The following PRKN variants were observed in gnomAD, a reference collection of about 807,000 sequenced individuals.
PRKN encodes E3 ubiquitin-protein ligase parkin.
PRKN carries 56 observed loss-of-function variants against 59.5 expected under a neutral mutation model. That is an observed-to-expected ratio of 0.94 (90% CI 0.76 to 1.18). The LOEUF (loss-of-function observed/expected upper bound fraction) is 1.18. Ranked by LOEUF, PRKN falls within the 50% of genes most tolerant of loss-of-function variation. The pLI, the probability that PRKN is intolerant of heterozygous loss-of-function variation, is 0.00. For missense variants in PRKN, 657 were observed against 596.4 expected (o/e 1.10, Z -1.06); for synonymous variants, 250 against 222.1 (o/e 1.13, Z -1.12).
At chr6:162,441,335 A>T (rs1790040182) in intron 2 of PRKN, among the ~76,000 whole-genome samples, 1 of 152,052 alleles carries the variant, frequency 6.6e-6, no homozygotes, top group Non-Finnish European at 1.5e-5. Context: ...AATCTTCAAC[A>T]TCTCTCTTCA....
intron 3 of PRKN, among the ~76,000 whole-genome samples, chr6:162,203,611 A>G (rs1375331078): frequency 2.0e-5 from 3 of 152,230 alleles, no homozygotes; most frequent in Non-Finnish European, 4.4e-5. Flanking sequence ...CAAGGTTCCC[A>G]TCGGCCTGGC....
chr6:162,371,410 A>C (rs1583454771), intron 2 of PRKN, among the ~76,000 whole-genome samples: 2 of 151,808 alleles, frequency 1.3e-5, no homozygotes, highest in South Asian at 4.2e-4. Flanking sequence ...CACACACAGG[A>C]CTCTTCCTAA....
At chr6:162,726,816 T>A (rs187556549) in intron 1 of PRKN, among the ~76,000 whole-genome samples, 1 of 152,240 alleles carries the variant, frequency 6.6e-6, no homozygotes, top group East Asian at 1.9e-4. Context: ...TGAAACCCCA[T>A]CTAGCACTGT....
chr6:162,217,406 A>T (rs1446210278), intron 3 of PRKN, among the ~76,000 whole-genome samples: 1 of 152,148 alleles, frequency 6.6e-6, no homozygotes, highest in African/African-American at 2.4e-5. Flanking sequence ...TTTGAGACAC[A>T]GTCTCCCTCT....
At position 162,499,468 on chromosome 6, in the gene PRKN, T is replaced by C. The variant is rs149221870; in HGVS notation, c.8-55995A>G. ...AGGCCGTATGATACTCTTATCTGCA[T>C]GCCCAGTGCCTAGCATGGTACCCAG... On this transcript the variant is annotated intron_variant, in intron 1 of 11. Coordinates refer to ENST00000366898, the MANE Select transcript of PRKN (RefSeq NM_004562.3). 4.8e-3 allele frequency among the ~76,000 whole-genome samples: 727 copies of C among 152,330 alleles called. 5 individuals carry two copies. Among genetic ancestry groups the C allele is most frequent in the African/African-American group, 0.016 (670 of 41,580 alleles).
intron 7 of PRKN, among the ~76,000 whole-genome samples, chr6:161,687,928 C>T (rs1785627742): frequency 6.6e-6 from 1 of 152,066 alleles, no homozygotes; most frequent in African/African-American, 2.4e-5. Flanking sequence ...AATTGTTTCC[C>T]AACATACTTT....
chr6:162,571,540 C>A (rs1372321778), intron 1 of PRKN, among the ~76,000 whole-genome samples: 1 of 152,056 alleles, frequency 6.6e-6, no homozygotes, highest in East Asian at 1.9e-4. Flanking sequence ...AATGTAGGCA[C>A]TCAGTGAGAA....
intron 2 of PRKN, among the ~76,000 whole-genome samples, chr6:162,291,522 G>A (rs151280654): frequency 1.1e-4 from 16 of 152,146 alleles, no homozygotes; most frequent in African/African-American, 3.6e-4. Context: ...AGCACTTCAC[G>A]GGAGGGTGTC....
intron 4 of PRKN, among the ~76,000 whole-genome samples, chr6:162,063,760 G>A (rs907311260): frequency 2.0e-5 from 3 of 152,190 alleles, no homozygotes; most frequent in African/African-American, 7.2e-5. Flanking sequence ...GGCCAGGCTG[G>A]TCTGCAACTC....
rs1430209199 is a variant in PRKN, at chr6:161,975,078, T to C, written c.619-1661A>G. 2.0e-5 allele frequency among the ~76,000 whole-genome samples: 3 copies of C among 151,094 alleles called. No individual in the cohort carries two copies. In the East Asian group the frequency reaches 5.8e-4, roughly 29 times the overall value. On this transcript the variant is annotated intron_variant, in intron 5 of 11. Coordinates refer to ENST00000366898, the MANE Select transcript of PRKN (RefSeq NM_004562.3). Reference sequence around the variant, plus strand: ...GACTGACATTAGGATAGGCATGACATATACTTCTTTTTTTTTTTTTTTTTT... The same window carrying C: ...GACTGACATTAGGATAGGCATGACACATACTTCTTTTTTTTTTTTTTTTTT...
intron 1 of PRKN, among the ~76,000 whole-genome samples, chr6:162,476,549 A>G (rs1792027287): frequency 1.3e-5 from 2 of 152,182 alleles, no homozygotes; most frequent in African/African-American, 4.8e-5. Flanking sequence ...ACAAAGGGGC[A>G]GAAATAAACA....
chr6:161,402,357 A>G lies in PRKN; in HGVS notation c.1084-15480T>C, dbSNP rs1388831740. ...AATTTTATTGCTTTGCTAAGGACAT[A>G]GAAAGCAAACTAATTAAATGACAGC... On this transcript the variant is annotated intron_variant, in intron 9 of 11. Transcript: ENST00000366898. This position sits in a 1 kb window ranked among gnomAD's most constrained non-coding sequence, Gnocchi z 4.5. Among the ~76,000 whole-genome samples the G allele has an allele frequency of 6.6e-6, 1 of 152,220 alleles. No homozygotes were observed. Among genetic ancestry groups the G allele is most frequent in the Admixed American group, 6.5e-5 (1 of 15,278 alleles).
intron 7 of PRKN, among the ~76,000 whole-genome samples, chr6:161,764,160 C>T (rs1789325402): frequency 6.6e-6 from 1 of 152,172 alleles, no homozygotes; most frequent in East Asian, 1.9e-4. Context: ...TCAAGTTGTT[C>T]CTTTCTTCCC....
chr6:161,597,834 G>GCA (rs765247740), intron 7 of PRKN, among the ~76,000 whole-genome samples: 52 of 86,010 alleles, frequency 6.0e-4, no homozygotes, highest in Middle Eastern at 0.011. Flanking sequence ...GATCCAGCGT[G>GCA]CGCACACACA....
chr6:161,632,344 C>T (rs1311383034), intron 7 of PRKN, among the ~76,000 whole-genome samples: 1 of 152,184 alleles, frequency 6.6e-6, no homozygotes, highest in African/African-American at 2.4e-5. Flanking sequence ...GCAACCCAGG[C>T]AGACACAGGC....
intron 7 of PRKN, among the ~76,000 whole-genome samples, chr6:161,671,136 G>A (rs1784893378): frequency 6.6e-6 from 1 of 152,156 alleles, no homozygotes; most frequent in South Asian, 2.1e-4. Flanking sequence ...TCTGAGCCCG[G>A]GCGCAGATGG....
chr6:162,476,872 T>G (rs988588700), intron 1 of PRKN, among the ~76,000 whole-genome samples: 2 of 151,258 alleles, frequency 1.3e-5, no homozygotes, highest in Non-Finnish European at 2.9e-5. Context: ...GGAGAGAGAG[T>G]CTTTAATTGG....
intron 5 of PRKN, among the ~76,000 whole-genome samples, chr6:162,009,061 TG>T (rs753767398): frequency 6.6e-5 from 10 of 151,828 alleles, no homozygotes; most frequent in East Asian, 3.9e-4. Context: ...AAGACCATCC[TG>T]GCCAACACGG....
In PRKN at chr6:162,387,394, G is replaced by C. The variant is rs191754592; in HGVS notation, c.171+55916C>G. Among the ~76,000 whole-genome samples, 253 of 152,148 alleles carry C rather than the reference G, an allele frequency of 1.7e-3. 1 individual carries two copies. Among genetic ancestry groups the C allele is most frequent in the Non-Finnish European group, 2.4e-3 (162 of 68,004 alleles). On this transcript the variant is annotated intron_variant, in intron 2 of 11. Transcript: ENST00000366898. Reference sequence around the variant, plus strand: ...AGCACAAATTCTCTAATCTTATTGTGAGAAGGCTGTTACGAATAATTTTTG... The same window carrying C: ...AGCACAAATTCTCTAATCTTATTGTCAGAAGGCTGTTACGAATAATTTTTG...
Sources: allele counts gnomAD v4.1 joint callset (sites outside exome capture counted in the v4.1 genomes callset), GRCh38; gene constraint gnomAD v4.1.1; non-coding constraint Gnocchi (gnomAD v3.1); transcripts MANE v1.5; gene names NCBI Gene and HGNC (gene_info 2026-07-23, HGNC 2026-07-21).